Variants in ZNF254 observed in about 807,000 individuals in gnomAD.
ZNF254 encodes the protein CTD-2017D11.1.
In ZNF254, 10 loss-of-function variants were observed where a neutral mutation model predicts 12.4. The observed-to-expected ratio is 0.80, with a 90% CI of 0.50 to 1.36. The LOEUF is 1.36. ZNF254 is among the 40% of genes most tolerant of loss of function. ZNF254 has a pLI of 0.00. For missense variants in ZNF254, 996 were observed against 763.9 expected, an observed-to-expected ratio of 1.30 and a Z score of -3.58; for synonymous variants, 305 against 253.4, an observed-to-expected ratio of 1.20 and a Z score of -1.93.
At chr19:24,105,464 A>T (rs1302165907) in intron 1 of ZNF254, 1 of 241,506 alleles carries the variant, frequency 4.1e-6, no homozygotes. Context: ...CTTGGTAGAG[A>T]TTCATTAACT....
rs1000703791 is a variant in ZNF254, at chr19:24,128,816, AT to A, written c.*839del. Reference sequence around the variant, plus strand: ...TGAGTATAGAAAATAATACAAACAGATTTGTCTAAACATTTGTATATAACTT... The same window carrying A: ...TGAGTATAGAAAATAATACAAACAGATTGTCTAAACATTTGTATATAACTT... On this transcript the variant is annotated 3_prime_UTR_variant, in exon 4 of 4. Transcript: ENST00000357002. 6.6e-6 allele frequency: 1 copy of A among 152,010 alleles called. No individual in the cohort carries two copies. The highest frequency in any genetic ancestry group is 1.5e-5 in the Non-Finnish European group (1 of 67,918). 9.4% of individuals were successfully genotyped at this position (152,010 alleles called of 1,614,324 possible).
At chr19:24,064,554 T>G (rs1216643608) in intron 2 of ZNF254, 2 of 152,228 alleles carry the variant, frequency 1.3e-5, no homozygotes, top group Non-Finnish European at 2.9e-5. Flanking sequence ...GAGATGGAGT[T>G]TTGCTCCTTT....
chr19:24,116,458 A>G (rs528652174), intron 3 of ZNF254, among the ~76,000 whole-genome samples: 34 of 152,000 alleles, frequency 2.2e-4, no homozygotes, highest in African/African-American at 7.5e-4. Context: ...ATCTTCTGTC[A>G]CTGATACCCT....
chr19:24,094,896 A>G, intron 1 of ZNF254, among the ~76,000 whole-genome samples: 1 of 152,022 alleles, frequency 6.6e-6, no homozygotes, highest in African/African-American at 2.4e-5. Context: ...CATGTTAGCC[A>G]GGTTGATCTC....
intron 2 of ZNF254, 112 bp downstream of exon 2, chr19:24,106,178 G>T: frequency 1.5e-6 from 2 of 1,354,162 alleles, no homozygotes; most frequent in Non-Finnish European, 2.0e-6. Flanking sequence ...GAAAATACTG[G>T]GGATTTGTCT....
rs767597498 is a variant in ZNF254, at chr19:24,127,335, G to A, written c.1335G>A (p.Trp445Ter). ...AAGAATGTGGCAAAGCATTTATCTGGTCCTCAACCCTTACTAAACATAAGA... is the reference window on the plus strand; with the variant it reads ...AAGAATGTGGCAAAGCATTTATCTGATCCTCAACCCTTACTAAACATAAGA... ...KCEECGKAFIWSSTLTKHKRI... is the reference protein window; with the variant it reads ...KCEECGKAFI The change falls in exon 4 of 4, where the codon TGG (tryptophan) becomes TGA (stop). Residue 445 changes from tryptophan (W) to a stop codon, truncating the protein, a stop_gained. Transcript: ENST00000357002. LOFTEE classifies it low-confidence loss of function (END_TRUNC). 43 of 1,613,228 alleles carry A rather than the reference G, an allele frequency of 2.7e-5. No individual in the cohort carries two copies. Among genetic ancestry groups the A allele is most frequent in the Non-Finnish European group, 3.6e-5 (43 of 1,179,764 alleles).
intron 3 of ZNF254, among the ~76,000 whole-genome samples, chr19:24,109,081 G>T (rs1294006054): frequency 6.6e-6 from 1 of 152,212 alleles, no homozygotes; most frequent in African/African-American, 2.4e-5. Flanking sequence ...CTTGAACCTG[G>T]GAGGTGGGGG....
intron 2 of ZNF254, among the ~76,000 whole-genome samples, chr19:24,054,566 T>C (rs564562544): frequency 6.6e-6 from 1 of 152,304 alleles, no homozygotes; most frequent in South Asian, 2.1e-4. Flanking sequence ...TGAGATTGTT[T>C]CTTATATGCA....
intron 2 of ZNF254, chr19:24,049,010 T>G (rs1359824455): frequency 6.6e-6 from 1 of 151,686 alleles, no homozygotes; most frequent in Admixed American, 6.6e-5. Context: ...CCTCGGCCTC[T>G]CAAGGTACTG....
intron 1 of ZNF254, among the ~76,000 whole-genome samples, chr19:24,095,257 A>C (rs1972607636): frequency 3.3e-5 from 5 of 152,280 alleles, no homozygotes; most frequent in Admixed American, 6.5e-5. Flanking sequence ...ATACTGGGTT[A>C]GCTTTTTGAT....
At chr19:24,072,860 C>T (rs990316100) in intron 2 of ZNF254, among the ~76,000 whole-genome samples, 3 of 152,190 alleles carry the variant, frequency 2.0e-5, no homozygotes, top group Non-Finnish European at 1.5e-5. Context: ...AAAATTGTGA[C>T]ATATTTCTGA....
intron 2 of ZNF254, among the ~76,000 whole-genome samples, chr19:24,061,814 C>T (rs555780081): frequency 9.8e-4 from 149 of 152,054 alleles, no homozygotes; most frequent in African/African-American, 3.4e-3. Flanking sequence ...CTGGGTGTGG[C>T]GGCTCACGCC....
chr19:24,126,527 A>C lies in ZNF254; in HGVS notation c.527A>C (p.His176Pro). The C allele has an allele frequency of 6.2e-7, 1 of 1,600,276 alleles. No homozygotes were observed. Among genetic ancestry groups the C allele is most frequent in the Non-Finnish European group, 8.5e-7 (1 of 1,175,806 alleles). The change falls in exon 4 of 4, where the codon CAT (histidine) becomes CCT (proline). Residue 176 changes from histidine (H) to proline (P), a missense_variant. Transcript: ENST00000357002. ...FLNSNRPKIR[H>P]TEKKSFKCKK... is the part of the protein sequence containing the mutation. Reference sequence around the variant, plus strand: ...AATTCAAACAGACCTAAGATAAGACATACTGAAAAGAAATCTTTCAAATGT... The same window carrying C: ...AATTCAAACAGACCTAAGATAAGACCTACTGAAAAGAAATCTTTCAAATGT...
chr19:24,081,202 C>A (rs879555359), intron 2 of ZNF254, among the ~76,000 whole-genome samples: 67 of 152,218 alleles, frequency 4.4e-4, no homozygotes, highest in Non-Finnish European at 7.5e-4. Context: ...CCCATAGATG[C>A]CATTTTACAT....
Position 24,126,240 on chromosome 19 carries a change from TA to T in ZNF254, c.254-13del. On this transcript the variant is annotated splice_polypyrimidine_tract_variant and intron_variant, in intron 3 of 3. Transcript: ENST00000357002. Reference sequence around the variant, plus strand: ...GTAAGTGGAGTAATTTATTTATTTTTATTTTTTTTTCAGGTATGTGTCCTCA... The same window carrying T: ...GTAAGTGGAGTAATTTATTTATTTTTTTTTTTTTTCAGGTATGTGTCCTCA... The T allele has an allele frequency of 1.4e-6, 2 of 1,403,774 alleles. No homozygotes were observed. The highest frequency in any genetic ancestry group is 2.5e-5 in the East Asian group (1 of 40,174). The allele number at this position is 1,403,774 out of a possible 1,614,324, so 87.0% of individuals were successfully genotyped here.
rs766298038 is a variant in ZNF254, at chr19:24,127,911, A to G, written c.1911A>G (p.Lys637=). The change falls in exon 4 of 4, where the codon AAA becomes AAG. Residue 637 remains lysine (K), a synonymous_variant. Transcript: ENST00000357002. ...EQPYKWEKFG[K]AFNRSSHLTT... ...CCTACAAATGGGAAAAATTTGGCAA[A>G]GCCTTTAATCGGTCCTCGCACCTCA... is the stretch of plus-strand genomic sequence containing the variant. 3.1e-6 allele frequency: 5 copies of G among 1,611,562 alleles called. No homozygotes were observed. The Admixed American group carries it at 5.0e-5, about 16-fold the overall frequency.
chr19:24,080,216 T>C (rs565767813), intron 2 of ZNF254: 5 of 152,156 alleles, frequency 3.3e-5, no homozygotes, highest in African/African-American at 1.2e-4. Flanking sequence ...GGTTGCAACC[T>C]TAAGCTAACC....
chr19:24,108,917 A>G (rs1027044320), intron 3 of ZNF254, among the ~76,000 whole-genome samples: 7 of 152,184 alleles, frequency 4.6e-5, no homozygotes, highest in Non-Finnish European at 8.8e-5. Flanking sequence ...GCACTTTGGG[A>G]GGCTGAGGTG....
At chr19:24,080,785 A>C (rs137967415) in intron 2 of ZNF254, 2 of 150,912 alleles carry the variant, frequency 1.3e-5, no homozygotes, top group Non-Finnish European at 3.0e-5. Flanking sequence ...CTCAAAAAAA[A>C]AAAAAAAAAA....
Sources: allele counts gnomAD v4.1 joint callset (sites outside exome capture counted in the v4.1 genomes callset), GRCh38; gene constraint gnomAD v4.1.1; transcripts MANE v1.5; gene names NCBI Gene and HGNC (gene_info 2026-07-23, HGNC 2026-07-21).